The following STK3 variants were observed in gnomAD, a reference collection of about 807,000 sequenced individuals.
STK3 encodes serine/threonine kinase 3, also known as serine/threonine-protein kinase 3.
STK3 carries 41 observed loss-of-function variants against 58.0 expected under a neutral mutation model. The observed-to-expected ratio is 0.71, with a 90% CI of 0.55 to 0.92. STK3 has a LOEUF of 0.92. STK3 is among the 40% of genes least tolerant of loss of function. The pLI, the probability that STK3 is intolerant of heterozygous loss-of-function variation, is 0.00. For synonymous variants in STK3, 170 were observed against 191.0 expected, an observed-to-expected ratio of 0.89 and a Z score of 0.91; for missense variants, 479 against 602.7, an observed-to-expected ratio of 0.79 and a Z score of 2.15.
At chr8:98,915,349 G>T (rs901613513) in intron 1 of STK3, among the ~76,000 whole-genome samples, 1 of 149,754 alleles carries the variant, frequency 6.7e-6, no homozygotes, top group Non-Finnish European at 1.5e-5. Flanking sequence ...TTGGGACTTG[G>T]ACTGGCTCTC....
chr8:98,528,748 A>C (rs1214645255), intron 9 of STK3, among the ~76,000 whole-genome samples: 1 of 152,192 alleles, frequency 6.6e-6, no homozygotes, highest in Non-Finnish European at 1.5e-5. Context: ...CCTCCCCACA[A>C]GGGACCCTGA....
chr8:98,684,253 G>A (rs1823828198), intron 6 of STK3, among the ~76,000 whole-genome samples: 1 of 152,108 alleles, frequency 6.6e-6, no homozygotes, highest in Non-Finnish European at 1.5e-5. Context: ...GCAGCCATAA[G>A]CAAGAACTTA....
At chr8:98,732,964 T>C (rs563323648) in intron 4 of STK3, among the ~76,000 whole-genome samples, 2 of 152,324 alleles carry the variant, frequency 1.3e-5, no homozygotes, top group South Asian at 2.1e-4. Flanking sequence ...AATGTGGCAA[T>C]GATTTTGAGT....
intron 1 of STK3, among the ~76,000 whole-genome samples, chr8:98,907,920 C>T (rs997862546): frequency 5.3e-5 from 8 of 152,104 alleles, no homozygotes; most frequent in East Asian, 3.8e-4. Context: ...TTTGTTGATC[C>T]GCCCTTTAGA....
At chr8:98,679,976 A>T (rs1356416025) in intron 6 of STK3, among the ~76,000 whole-genome samples, 1 of 152,220 alleles carries the variant, frequency 6.6e-6, no homozygotes, top group Non-Finnish European at 1.5e-5. Flanking sequence ...GTACCCTGAG[A>T]TCATATTGCT....
intron 3 of STK3, among the ~76,000 whole-genome samples, chr8:98,869,022 AGAAGGAAGGAAGGAAGGAAGGAAGGAAG>A (rs200905250): frequency 2.4e-4 from 27 of 111,782 alleles, no homozygotes; most frequent in East Asian, 1.2e-3. Context: ...GAAAAAGGAA[AGAAGGAAGGAAGGAAGGAAGGAAGGAAG>A]GAAGGAAGGA....
At chr8:98,470,360 C>G (rs1448073015) in intron 10 of STK3, among the ~76,000 whole-genome samples, 2 of 152,186 alleles carry the variant, frequency 1.3e-5, no homozygotes, top group African/African-American at 4.8e-5. Flanking sequence ...CTGTCAGGTC[C>G]ACCCTAGCCC....
At chr8:98,883,805 C>A in exon 2 of STK3, 1 of 684,142 alleles carries the variant, frequency 1.5e-6, no homozygotes, top group Non-Finnish European at 2.7e-6. Context: ...ATCCTTTTTC[C>A]AAATTCCTGA....
intron 1 of STK3, among the ~76,000 whole-genome samples, chr8:98,387,649 G>A (rs1817803159): frequency 6.6e-6 from 1 of 152,206 alleles, no homozygotes; most frequent in Non-Finnish European, 1.5e-5. Flanking sequence ...TCAGGAGGCT[G>A]AGGCAGGAGA....
At chr8:98,382,381 A>G (rs1373913455) in intron 1 of STK3, among the ~76,000 whole-genome samples, 7 of 152,224 alleles carry the variant, frequency 4.6e-5, no homozygotes, top group Non-Finnish European at 7.3e-5. Context: ...ATCGCAGTGT[A>G]CATAACATTT....
At chr8:98,622,527 T>C (rs1258463273) in intron 6 of STK3, among the ~76,000 whole-genome samples, 2 of 152,142 alleles carry the variant, frequency 1.3e-5, no homozygotes, top group African/African-American at 2.4e-5. Context: ...CAAATAAGTA[T>C]TGCAATGACA....
chr8:98,743,135 C>T (rs962020050), intron 4 of STK3, among the ~76,000 whole-genome samples: 22 of 151,764 alleles, frequency 1.4e-4, no homozygotes, highest in African/African-American at 4.4e-4. Context: ...GAATCAATAT[C>T]GTGAAAATGG....
chr8:98,633,782 G>T, intron 6 of STK3: 1 of 550,916 alleles, frequency 1.8e-6, no homozygotes, highest in Non-Finnish European at 3.4e-6. Flanking sequence ...TTAAGCTCAA[G>T]CAAGTGTATG....
intron 8 of STK3, among the ~76,000 whole-genome samples, chr8:98,579,038 A>G (rs181747914): frequency 1.1e-3 from 162 of 152,052 alleles, no homozygotes; most frequent in Non-Finnish European, 1.9e-3. Flanking sequence ...GTAGTCCCAG[A>G]TACTCATGAG....
In STK3 at chr8:98,715,102, C is replaced by T. The variant is rs571885507; in HGVS notation, c.352-7791G>A. 1.3e-4 allele frequency among the ~76,000 whole-genome samples: 20 copies of T among 151,750 alleles called. No homozygotes were observed. The South Asian group carries it at 4.1e-3, about 31-fold the overall frequency. On this transcript the variant is annotated intron_variant, in intron 4 of 10. Coordinates refer to ENST00000419617, the MANE Select transcript of STK3 (RefSeq NM_006281.4). ...ATATGAAGAAAGCTGAAACTGGATCCCTTCCTTACACCTTATACAAAAATT... is the reference window on the plus strand; with the variant it reads ...ATATGAAGAAAGCTGAAACTGGATCTCTTCCTTACACCTTATACAAAAATT...
At chr8:98,553,537 T>C (rs1376527547) in intron 8 of STK3, 2 of 152,150 alleles carry the variant, frequency 1.3e-5, no homozygotes, top group African/African-American at 2.4e-5. Context: ...TTATAAAACA[T>C]AGAATAGCTA....
At chr8:98,666,173 A>G (rs1266582666) in intron 6 of STK3, among the ~76,000 whole-genome samples, 1 of 151,922 alleles carries the variant, frequency 6.6e-6, no homozygotes, top group Non-Finnish European at 1.5e-5. Context: ...CCTTGACACA[A>G]TGGTTTTTGT....
chr8:98,414,218 C>T (rs919549244), intron 3 of STK3, among the ~76,000 whole-genome samples: 4 of 152,076 alleles, frequency 2.6e-5, no homozygotes, highest in Non-Finnish European at 4.4e-5. Flanking sequence ...GAGCCAAGAT[C>T]GTGCCACTGC....
chr8:98,578,753 G>C (rs1362832558), intron 8 of STK3, among the ~76,000 whole-genome samples: 2 of 152,126 alleles, frequency 1.3e-5, no homozygotes, highest in South Asian at 2.1e-4. Flanking sequence ...CAGATTTTAT[G>C]ACTATTTGAA....
Sources: gnomAD v4.1 joint callset for allele counts (sites outside exome capture counted in the v4.1 genomes callset) on GRCh38, gnomAD v4.1.1 for gene constraint, MANE v1.5 for transcripts, NCBI Gene and HGNC (gene_info 2026-07-23, HGNC 2026-07-21) for gene names.